The following ASPSCR1 variants were observed in gnomAD, a reference collection of about 807,000 sequenced individuals.
The protein encoded by ASPSCR1 is tether containing UBX domain for GLUT4.
A neutral mutation model predicts 68.9 loss-of-function variants in ASPSCR1; 55 were observed. The ratio of observed to expected loss-of-function variants is 0.80; its 90% confidence interval spans 0.64 to 1.00. The LOEUF is 1.00. Ranked by LOEUF, ASPSCR1 falls within the 50% of genes least tolerant of loss-of-function variation. The pLI is 0.00. For missense variants in ASPSCR1, 765 were observed against 762.2 expected, an observed-to-expected ratio of 1.00 and a Z score of -0.04; for synonymous variants, 352 against 332.6, an observed-to-expected ratio of 1.06 and a Z score of -0.63.
At chr17:81,979,142 C>T (rs1288790151) in intron 1 of ASPSCR1, 42 bp from the exon 2 acceptor site, 1 of 1,610,232 alleles carries the variant, frequency 6.2e-7, no homozygotes, top group Non-Finnish European at 8.5e-7. Flanking sequence ...CCCGCCAGCC[C>T]TGCACACTCA....
chr17:81,991,786 T>C (rs536797350), intron 4 of ASPSCR1, among the ~76,000 whole-genome samples: 28 of 152,290 alleles, frequency 1.8e-4, no homozygotes, highest in African/African-American at 6.0e-4. Context: ...CAGCTTCTGT[T>C]CCCGGCAGGG....
At chr17:82,001,424 G>A (rs967779089) in intron 7 of ASPSCR1, among the ~76,000 whole-genome samples, 7 of 152,190 alleles carry the variant, frequency 4.6e-5, no homozygotes, top group Admixed American at 3.9e-4. Flanking sequence ...ACAACCCTGG[G>A]CTCTGAGGCT....
At chr17:81,980,551 C>T (rs563347941) in intron 2 of ASPSCR1, among the ~76,000 whole-genome samples, 8 of 152,314 alleles carry the variant, frequency 5.3e-5, no homozygotes, top group Non-Finnish European at 8.8e-5. Flanking sequence ...CTGAAGAATG[C>T]GGTTCATATG....
intron 4 of ASPSCR1, among the ~76,000 whole-genome samples, chr17:81,988,932 G>A (rs532326403): frequency 1.3e-4 from 20 of 152,336 alleles, no homozygotes; most frequent in African/African-American, 4.1e-4. Context: ...TCCAGGCCGG[G>A]CATGGCGGCT....
intron 7 of ASPSCR1, among the ~76,000 whole-genome samples, chr17:82,001,816 C>T (rs992159178): frequency 6.6e-6 from 1 of 152,160 alleles, no homozygotes; most frequent in Admixed American, 6.5e-5. Flanking sequence ...CAGACTCTGC[C>T]CTGCGGATGA....
chr17:81,985,041 C>T (rs556793092), intron 3 of ASPSCR1, among the ~76,000 whole-genome samples: 45 of 132,752 alleles, frequency 3.4e-4, no homozygotes, highest in African/African-American at 1.2e-3. Flanking sequence ...ATGCACACAC[C>T]TCCCCCCCAC....
intron 7 of ASPSCR1, among the ~76,000 whole-genome samples, chr17:82,003,565 C>T (rs959803015): frequency 4.6e-5 from 7 of 152,224 alleles, no homozygotes; most frequent in Non-Finnish European, 7.4e-5. Flanking sequence ...AGCCTGGGGG[C>T]GGCGCCGTCT....
Position 81,977,800 on chromosome 17 carries a change from C to A in ASPSCR1, c.102+52C>A, listed in dbSNP as rs1180269354. 9 of 1,185,112 alleles carry A rather than the reference C, an allele frequency of 7.6e-6. No individual in the cohort carries two copies. The African/African-American group carries it at 1.4e-4, about 19-fold the overall frequency. 73.4% of individuals were successfully genotyped at this position (1,185,112 alleles called of 1,614,324 possible). ...GGTAGGCGGGCGGGGGGCGCTGCGCCGAGGCCCCGCCCATTGCGGTCGGCG... is the reference window on the plus strand; with the variant it reads ...GGTAGGCGGGCGGGGGGCGCTGCGCAGAGGCCCCGCCCATTGCGGTCGGCG... On this transcript the variant is annotated intron_variant, in intron 1 of 15. Transcript: ENST00000306739. This position sits in a 1 kb window ranked among gnomAD's most constrained non-coding sequence, Gnocchi z 5.0.
chr17:82,015,331 G>A, intron 12 of ASPSCR1: 1 of 1,598,112 alleles, frequency 6.3e-7, no homozygotes, highest in Non-Finnish European at 8.5e-7. Flanking sequence ...GTCAAGGCTG[G>A]GCACAAGCAC....
intron 5 of ASPSCR1, chr17:81,995,499 C>T (rs1598406212): frequency 7.5e-6 from 2 of 265,530 alleles, no homozygotes; most frequent in East Asian, 1.1e-4. Flanking sequence ...TTGTGCTGGG[C>T]CATTGACTGT....
Position 81,990,898 on chromosome 17 carries a change from G to A in ASPSCR1, c.375-3923G>A, listed in dbSNP as rs369768144. Among the ~76,000 whole-genome samples the A allele has an allele frequency of 1.7e-4, 26 of 152,284 alleles. No homozygotes were observed. In the South Asian group the frequency reaches 4.4e-3, roughly 25 times the overall value. On this transcript the variant is annotated intron_variant, in intron 4 of 15. Transcript: ENST00000306739. This position sits in a 1 kb window ranked among gnomAD's most constrained non-coding sequence, Gnocchi z 4.1. ...TGTGACTCGGGGGATACTGTAGCAC[G>A]TCTGGGCAGTCCACGAGGGCAGGCG...
At chr17:82,016,696 C>CTG in intron 13 of ASPSCR1, 104 bp from the exon 14 acceptor site, 1 of 1,464,652 alleles carries the variant, frequency 6.8e-7, no homozygotes, top group African/African-American at 1.4e-5. Flanking sequence ...CAGCCACCTG[C>CTG]TGGCCACCCC....
chr17:82,009,915 CT>C (rs36093868), intron 9 of ASPSCR1: 10,624 of 197,556 alleles, frequency 0.054, 1 homozygote, highest in South Asian at 0.14. Context: ...AGAATGAAAC[CT>C]TTTTTTTTTT....
At chr17:82,008,667 T>G in intron 7 of ASPSCR1, 1 of 193,198 alleles carries the variant, frequency 5.2e-6, no homozygotes, top group Non-Finnish European at 1.0e-5. Flanking sequence ...TGGACTGGGG[T>G]TTTTGCCGAC....
Position 81,990,336 on chromosome 17 carries a change from G to C in ASPSCR1, c.375-4485G>C, listed in dbSNP as rs1257377550. On this transcript the variant is annotated intron_variant, in intron 4 of 15. Transcript: ENST00000306739. The surrounding 1 kb of genome is among the most constrained non-coding windows in gnomAD (Gnocchi z 4.1). ...TCTGCTTCTCAGGCTCTGCTGCAGGGAGGGCGTCAGGAGACAGAGGCTGCA... is the reference window on the plus strand; with the variant it reads ...TCTGCTTCTCAGGCTCTGCTGCAGGCAGGGCGTCAGGAGACAGAGGCTGCA... Among the ~76,000 whole-genome samples, 1 of 152,224 alleles carries C rather than the reference G, an allele frequency of 6.6e-6. No homozygotes were observed. Among genetic ancestry groups the C allele is most frequent in the Non-Finnish European group, 1.5e-5 (1 of 68,036 alleles).
At chr17:81,994,754 C>T in intron 4 of ASPSCR1, 67 bp from the exon 5 acceptor site, 6 of 1,525,454 alleles carry the variant, frequency 3.9e-6, no homozygotes, top group Non-Finnish European at 5.4e-6. Flanking sequence ...GTCTCCTGCC[C>T]CAGGGCCTCC....
At chr17:81,978,837 C>G (rs572868104) in intron 1 of ASPSCR1, 1 of 353,254 alleles carries the variant, frequency 2.8e-6, no homozygotes, top group East Asian at 6.5e-5. Flanking sequence ...CAGGGGGTAG[C>G]TTGTGCTAGG....
Position 81,996,544 on chromosome 17 carries a change from G to T in ASPSCR1, c.631G>T (p.Asp211Tyr). 6.2e-7 allele frequency: 1 copy of T among 1,612,874 alleles called. No individual in the cohort carries two copies. Among genetic ancestry groups the T allele is most frequent in the East Asian group, 2.2e-5 (1 of 44,866 alleles). The stretch of plus-strand genomic sequence containing the variant: ...GGAATCTGGGGAGCTCAGCCGCGGC[G>T]ACTTGAGCCGTCCGGAGGACGCGGA... The part of the protein sequence containing the change: ...PLESGELSRG[D>Y]LSRPEDADTS... Residue 211 changes from aspartate to tyrosine, a missense_variant, in exon 7 of 16, where the codon GAC becomes TAC. Physicochemically the swap from Asp to Tyr is radical, Grantham distance 160. Coordinates refer to ENST00000306739, the MANE Select transcript of ASPSCR1 (RefSeq NM_024083.4).
In ASPSCR1 at chr17:82,015,402, G is replaced by A. The variant is rs1220838279; in HGVS notation, c.1354-1074G>A. 3 of 1,558,234 alleles carry A rather than the reference G, an allele frequency of 1.9e-6. No homozygotes were observed. In the African/African-American group the frequency reaches 4.1e-5, roughly 21 times the overall value. ...CTCCCTGCACAGAGGCGCAGACAGGGAGCCCAGGTGCCCCAGGCCTGGCTG... is the reference window on the plus strand; with the variant it reads ...CTCCCTGCACAGAGGCGCAGACAGGAAGCCCAGGTGCCCCAGGCCTGGCTG... On this transcript the variant is annotated intron_variant, in intron 12 of 15. Coordinates refer to ENST00000306739, the MANE Select transcript of ASPSCR1 (RefSeq NM_024083.4).
Sources: gnomAD v4.1 joint callset for allele counts (sites outside exome capture counted in the v4.1 genomes callset) on GRCh38, gnomAD v4.1.1 for gene constraint, Gnocchi (gnomAD v3.1) non-coding constraint, MANE v1.5 for transcripts, NCBI Gene and HGNC (gene_info 2026-07-23, HGNC 2026-07-21) for gene names.